The following SNX7 variants were observed in gnomAD, a reference collection of about 807,000 sequenced individuals.
SNX7 encodes the protein sorting nexin-7.
SNX7 carries 35 observed loss-of-function variants against 48.4 expected under a neutral mutation model. That is an observed-to-expected ratio of 0.72 (90% confidence interval 0.55 to 0.96). The LOEUF is 0.96. Among genes scored for constraint, SNX7 ranks in the 40% least tolerant of loss-of-function variants. The probability of loss-of-function intolerance (pLI) is 0.00; values close to 1 mark genes in which losing one functional copy is unlikely to be tolerated. For missense variants in SNX7, 553 were observed against 548.9 expected, an observed-to-expected ratio of 1.01 and a Z score of -0.07; for synonymous variants, 190 against 190.2, an observed-to-expected ratio of 1.00 and a Z score of 0.01.
Position 98,661,725 on chromosome 1 carries a change from T to C in SNX7, c.-7T>C. 2.5e-6 allele frequency: 3 copies of C among 1,221,206 alleles called. No homozygotes were observed. Among genetic ancestry groups the C allele is most frequent in the Non-Finnish European group, 3.1e-6 (3 of 978,288 alleles). 75.6% of individuals were successfully genotyped at this position (1,221,206 alleles called of 1,614,324 possible). A position where few individuals can be genotyped will look rare whatever the true frequency, so the allele number is the denominator to read the frequency against. ...CGGTGGCGGCCGGCTGGGCGCGCAC[T>C]CTCGGGATGGAGGGCGAGCGCCGGG... On this transcript the variant is annotated 5_prime_UTR_variant, in exon 1 of 9. Coordinates refer to ENST00000306121, the MANE Select transcript of SNX7 (RefSeq NM_015976.5).
chr1:98,663,661 A>G (rs1194301865), intron 1 of SNX7, among the ~76,000 whole-genome samples: 1 of 152,178 alleles, frequency 6.6e-6, no homozygotes, highest in Non-Finnish European at 1.5e-5. Context: ...GCTCTCTCAG[A>G]CTAAGGAATC....
chr1:98,689,811 G>A (rs985097344), intron 2 of SNX7, among the ~76,000 whole-genome samples: 15 of 152,114 alleles, frequency 9.9e-5, no homozygotes, highest in South Asian at 2.1e-4. Flanking sequence ...TTATTAAACT[G>A]TGCTGGTATT....
chr1:98,691,211 A>G (rs371045396), intron 3 of SNX7, 26 bp downstream of exon 3: 37 of 1,436,128 alleles, frequency 2.6e-5, no homozygotes, highest in Middle Eastern at 3.5e-4. Context: ...TTTTTTTTTC[A>G]TAGAATAGCT....
At chr1:98,688,904 TTTC>T (rs1473777955) in intron 2 of SNX7, among the ~76,000 whole-genome samples, 2 of 152,166 alleles carry the variant, frequency 1.3e-5, no homozygotes, top group East Asian at 3.9e-4. Flanking sequence ...GTGCATCTTT[TTTC>T]TTTTTTTCTT....
intron 7 of SNX7, among the ~76,000 whole-genome samples, chr1:98,732,175 T>G (rs1240665698): frequency 1.3e-5 from 2 of 152,132 alleles, no homozygotes; most frequent in Non-Finnish European, 2.9e-5. Flanking sequence ...TATTTTCAAC[T>G]AACAGTGGGC....
chr1:98,674,735 T>C (rs1650064958), intron 1 of SNX7, among the ~76,000 whole-genome samples: 1 of 152,258 alleles, frequency 6.6e-6, no homozygotes. Context: ...ATTATCATGC[T>C]AACACCAATC....
chr1:98,662,226 T>G (rs1365562370), intron 1 of SNX7: 8 of 209,440 alleles, frequency 3.8e-5, no homozygotes, highest in Non-Finnish European at 5.7e-5. Flanking sequence ...CACAGACATC[T>G]TCCTCGCGGC....
At chr1:98,730,585 C>T (rs1653459214) in intron 7 of SNX7, among the ~76,000 whole-genome samples, 2 of 151,982 alleles carry the variant, frequency 1.3e-5, no homozygotes. Context: ...GTGCGGAAAT[C>T]ACAAGCATTC....
At chr1:98,758,208 C>T (rs1654945339) in intron 8 of SNX7, among the ~76,000 whole-genome samples, 1 of 152,034 alleles carries the variant, frequency 6.6e-6, no homozygotes, top group South Asian at 2.1e-4. Context: ...TTATAAATTA[C>T]AGTCCAAAAT....
intron 8 of SNX7, among the ~76,000 whole-genome samples, chr1:98,746,576 G>GATTTCTAT (rs1654319483): frequency 2.0e-5 from 3 of 152,098 alleles, no homozygotes; most frequent in Non-Finnish European, 4.4e-5. Context: ...ACACATGATA[G>GATTTCTAT]AGATATAAGA....
chr1:98,755,934 A>C (rs1200457712), intron 8 of SNX7, among the ~76,000 whole-genome samples: 2 of 151,992 alleles, frequency 1.3e-5, no homozygotes, highest in Non-Finnish European at 2.9e-5. Flanking sequence ...GATTATTGAT[A>C]TATTTGAGTC....
At chr1:98,735,906 G>A (rs1190866474) in intron 7 of SNX7, among the ~76,000 whole-genome samples, 1 of 152,094 alleles carries the variant, frequency 6.6e-6, no homozygotes, top group African/African-American at 2.4e-5. Context: ...TACTGATAAG[G>A]CTACAGTCCT....
At position 98,737,180 on chromosome 1, in the gene SNX7, G is replaced by T. The variant is rs142196808; in HGVS notation, c.1126-1057G>T. 5.9e-5 allele frequency among the ~76,000 whole-genome samples: 9 copies of T among 151,720 alleles called. No individual in the cohort carries two copies. In the East Asian group the frequency reaches 1.8e-3, roughly 30 times the overall value. ...GGTCATTGCCCTTGGTGTTTCCTCT[G>T]CTGGGAATGTGTTTCCACTGAGAGT... On this transcript the variant is annotated intron_variant, in intron 7 of 8. Transcript: ENST00000306121.
At chr1:98,691,004 C>T in intron 2 of SNX7, 71 bp from the exon 3 acceptor site, 1 of 928,270 alleles carries the variant, frequency 1.1e-6, no homozygotes, top group Non-Finnish European at 1.6e-6. Flanking sequence ...TTCACAATGT[C>T]TAAAATAACG....
At chr1:98,694,231 G>A (rs565156099) in intron 4 of SNX7, among the ~76,000 whole-genome samples, 1,757 of 152,020 alleles carry the variant, frequency 0.012, 37 homozygotes, top group African/African-American at 0.041. Flanking sequence ...TTAGCCGGGC[G>A]CGGTGGTGGG....
intron 8 of SNX7, among the ~76,000 whole-genome samples, chr1:98,742,988 A>G (rs1052279903): frequency 2.0e-5 from 3 of 152,002 alleles, no homozygotes; most frequent in Admixed American, 1.3e-4. Context: ...AGATAATAAT[A>G]GTTAAACATT....
At chr1:98,685,190 T>C (rs1185847696) in intron 2 of SNX7, 123 bp downstream of exon 2, 4 of 567,266 alleles carry the variant, frequency 7.1e-6, no homozygotes, top group Non-Finnish European at 8.3e-6. Context: ...CTTTTACTTT[T>C]TCAAACCTTT....
chr1:98,714,907 A>T (rs76149237), intron 7 of SNX7, among the ~76,000 whole-genome samples: 7 of 152,288 alleles, frequency 4.6e-5, no homozygotes, highest in Non-Finnish European at 1.0e-4. Flanking sequence ...ACATGTTTTT[A>T]AATTTATTTC....
chr1:98,725,565 G>A (rs1169469002), intron 7 of SNX7, among the ~76,000 whole-genome samples: 2 of 152,070 alleles, frequency 1.3e-5, no homozygotes, highest in African/African-American at 4.8e-5. Flanking sequence ...AAAACTAAAG[G>A]CCTAAAAAGA....
Sources: gnomAD v4.1 joint callset for allele counts (sites outside exome capture counted in the v4.1 genomes callset) on GRCh38, gnomAD v4.1.1 for gene constraint, MANE v1.5 for transcripts, NCBI Gene and HGNC (gene_info 2026-07-23, HGNC 2026-07-21) for gene names.